TMEM69: variants seen among roughly 807,000 people sequenced by gnomAD.
TMEM69 encodes the protein transmembrane protein 69, also known as chromosome 1 open reading frame 154.
Under a neutral mutation model 15.8 loss-of-function variants are expected in TMEM69, and 17 were observed. The observed-to-expected ratio is 1.07, with a 90% confidence interval of 0.73 to 1.61. TMEM69 has a LOEUF of 1.61. Among genes scored for constraint, TMEM69 ranks in the 40% most tolerant of loss-of-function variants. TMEM69 has a pLI of 0.00. For missense variants in TMEM69, 230 were observed against 286.1 expected, an observed-to-expected ratio of 0.80 and a Z score of 1.41; for synonymous variants, 80 against 98.6, an observed-to-expected ratio of 0.81 and a Z score of 1.12.
chr1:45,689,872 G>T (rs1645332640), intron 1 of TMEM69, among the ~76,000 whole-genome samples: 1 of 151,968 alleles, frequency 6.6e-6, no homozygotes, highest in Admixed American at 6.5e-5. Flanking sequence ...GGCGTGGCCT[G>T]TAGTCCCAGC....
chr1:45,693,580 T>C lies in TMEM69; in HGVS notation c.419T>C (p.Leu140Ser). 6.2e-7 allele frequency: 1 copy of C among 1,614,228 alleles called. No homozygotes were observed. Among genetic ancestry groups the C allele is most frequent in the Non-Finnish European group, 8.5e-7 (1 of 1,180,034 alleles). Reference sequence around the variant, plus strand: ...TATGGAGCCAGTTTCCTATCTTTCTTGGGTGGGATCAGATGGGGTTTTGCT... The same window carrying C: ...TATGGAGCCAGTTTCCTATCTTTCTCGGGTGGGATCAGATGGGGTTTTGCT... ...MAYGASFLSF[L>S]GGIRWGFALP... Residue 140 changes from leucine to serine, a missense_variant, in exon 3 of 3, where the codon TTG (leucine) becomes TCG (serine). By Grantham distance (145) the Leu-to-Ser change is moderately radical (BLOSUM62 -2). Coordinates refer to ENST00000372025, the MANE Select transcript of TMEM69 (RefSeq NM_016486.4).
rs958188110 is a variant in TMEM69, at chr1:45,693,553, C to T, written c.392C>T (p.Ala131Val). 1 of 1,614,100 alleles carries T rather than the reference C, an allele frequency of 6.2e-7. No individual in the cohort carries two copies. Among genetic ancestry groups the T allele is most frequent in the African/African-American group, 1.3e-5 (1 of 74,936 alleles). ...YIPILAFTQM[A>V]YGASFLSFLG... ...CCCATATTAGCTTTTACTCAGATGG[C>T]TTATGGAGCCAGTTTCCTATCTTTC... Residue 131 changes from alanine (A) to valine (V), a missense_variant, in exon 3 of 3, where the codon GCT becomes GTT. Transcript: ENST00000372025.
chr1:45,691,500 GC>G (rs1407718759), intron 2 of TMEM69, among the ~76,000 whole-genome samples: 2 of 151,882 alleles, frequency 1.3e-5, no homozygotes, highest in African/African-American at 4.8e-5. Flanking sequence ...CTGAGATCAT[GC>G]CACTGCACTG....
chr1:45,693,107 T>G, intron 2 of TMEM69, 97 bp from the exon 3 acceptor site: 1 of 889,008 alleles, frequency 1.1e-6, no homozygotes, highest in East Asian at 2.6e-5. Flanking sequence ...TTTGCTCCTT[T>G]CAAACAATCC....
chr1:45,689,952 G>T (rs891737094), intron 1 of TMEM69, among the ~76,000 whole-genome samples: 2 of 152,020 alleles, frequency 1.3e-5, no homozygotes, highest in African/African-American at 4.8e-5. Context: ...CGGAGAGCAC[G>T]CCACTGCAGT....
rs1645343000 is a variant in TMEM69, at chr1:45,691,243, A to G, written c.42+133A>G. On this transcript the variant is annotated intron_variant, in intron 2 of 2. Transcript: ENST00000372025. ...GGAGGGAAGAGTTAAGTAAAATACAAGTAAGTAAAATGTTTATTATATCAG... is the reference window on the plus strand; with the variant it reads ...GGAGGGAAGAGTTAAGTAAAATACAGGTAAGTAAAATGTTTATTATATCAG... The G allele has an allele frequency of 7.6e-6, 6 of 790,598 alleles. No individual in the cohort carries two copies. The East Asian group carries it at 8.0e-5, about 11-fold the overall frequency. 49.0% of individuals were successfully genotyped at this position (790,598 alleles called of 1,614,324 possible).
At chr1:45,690,606 C>T (rs926042792) in intron 1 of TMEM69, among the ~76,000 whole-genome samples, 4 of 151,986 alleles carry the variant, frequency 2.6e-5, no homozygotes, top group African/African-American at 4.8e-5. Flanking sequence ...AAAAAGGAAA[C>T]AGAAGCTATG....
intron 2 of TMEM69, among the ~76,000 whole-genome samples, chr1:45,691,531 A>G (rs1420165865): frequency 3.3e-5 from 5 of 151,940 alleles, no homozygotes; most frequent in African/African-American, 9.7e-5. Context: ...TGACACAGCA[A>G]GACGATGTTT....
Position 45,693,215 on chromosome 1 carries a change from C to T in TMEM69, c.54C>T (p.Tyr18=). 6.2e-7 allele frequency: 1 copy of T among 1,606,774 alleles called. No homozygotes were observed. The highest frequency in any genetic ancestry group is 8.5e-7 in the Non-Finnish European group (1 of 1,176,162). The change falls in exon 3 of 3, where the codon TAC becomes TAT. Residue 18 remains tyrosine, a synonymous_variant. Coordinates refer to ENST00000372025, the MANE Select transcript of TMEM69 (RefSeq NM_016486.4). ...TATTTTCTTTGTAGATACTGAAGTACTCTTTCCCAGTGGGACTAAGAACCA... is the reference window on the plus strand; with the variant it reads ...TATTTTCTTTGTAGATACTGAAGTATTCTTTCCCAGTGGGACTAAGAACCA... ...FSQASSKILK[Y]SFPVGLRTSR...
rs575749137 is a variant in TMEM69 at position 45,694,047 on chromosome 1, C to T, written c.*142C>T. Reference sequence around the variant, plus strand: ...TGCCCGGCCGCTGTGCAACCTTCCACGTGTGAAGTGACAGCCTTGTGTGTG... The same window carrying T: ...TGCCCGGCCGCTGTGCAACCTTCCATGTGTGAAGTGACAGCCTTGTGTGTG... On this transcript the variant is annotated 3_prime_UTR_variant, in exon 3 of 3. Coordinates refer to ENST00000372025, the MANE Select transcript of TMEM69 (RefSeq NM_016486.4). 12 of 552,418 alleles carry T rather than the reference C, an allele frequency of 2.2e-5. 1 individual carries two copies. The highest frequency in any genetic ancestry group is 3.1e-5 in the Non-Finnish European group (10 of 320,090). 34.2% of individuals were successfully genotyped at this position (552,418 alleles called of 1,614,324 possible). A position where few individuals can be genotyped will look rare whatever the true frequency, so the allele number is the denominator to read the frequency against.
rs1233974820 is a variant in TMEM69 at position 45,689,242 on chromosome 1, G to GT, written c.-96+974dup. ...TTTTAAAATTAAGCAGCAACTGTAGGTTTTTTTAGACATCCCATTCTCTTG... is the reference window on the plus strand; with the variant it reads ...TTTTAAAATTAAGCAGCAACTGTAGGTTTTTTTTAGACATCCCATTCTCTTG... On this transcript the variant is annotated intron_variant, in intron 1 of 2. Coordinates refer to ENST00000372025, the MANE Select transcript of TMEM69 (RefSeq NM_016486.4). 2.6e-5 allele frequency among the ~76,000 whole-genome samples: 4 copies of GT among 152,090 alleles called. No homozygotes were observed. In the South Asian group the frequency reaches 8.3e-4, roughly 32 times the overall value.
In TMEM69 at chr1:45,688,248, AC is replaced by A. The variant is rs1357477373; in HGVS notation, c.-122del. The A allele has an allele frequency of 6.6e-6, 1 of 152,106 alleles. No individual in the cohort carries two copies. The highest frequency in any genetic ancestry group is 2.4e-5 in the African/African-American group (1 of 41,366). 9.4% of individuals were successfully genotyped at this position (152,106 alleles called of 1,614,324 possible). A position where few individuals can be genotyped will look rare whatever the true frequency, so the allele number is the denominator to read the frequency against. ...CGGTTGTTTTCCTTCTCTCCGTGCA[AC>A]GCTGGCAAGTCTCAAAGTCGCCACA... On this transcript the variant is annotated 5_prime_UTR_variant, in exon 1 of 3. Coordinates refer to ENST00000372025, the MANE Select transcript of TMEM69 (RefSeq NM_016486.4).
Position 45,693,217 on chromosome 1 carries a change from CTT to C in TMEM69, c.58_59del (p.Phe20ProfsTer52), listed in dbSNP as rs1557732154. ...TTTTCTTTGTAGATACTGAAGTACTCTTTCCCAGTGGGACTAAGAACCAGCAG... is the reference window on the plus strand; with the variant it reads ...TTTTCTTTGTAGATACTGAAGTACTCTCCCAGTGGGACTAAGAACCAGCAG... On this transcript the variant is annotated frameshift_variant, in exon 3 of 3. Coordinates refer to ENST00000372025, the MANE Select transcript of TMEM69 (RefSeq NM_016486.4). LOFTEE classifies it high-confidence loss of function. 1 of 1,607,012 alleles carries C rather than the reference CTT, an allele frequency of 6.2e-7. No individual in the cohort carries two copies.
intron 2 of TMEM69, among the ~76,000 whole-genome samples, chr1:45,692,458 C>G (rs892238131): frequency 6.6e-6 from 1 of 152,036 alleles, no homozygotes; most frequent in Non-Finnish European, 1.5e-5. Context: ...TTACTTTGCC[C>G]GTGTACAATG....
Position 45,693,835 on chromosome 1 carries a change from C to G in TMEM69, c.674C>G (p.Ser225Ter), listed in dbSNP as rs1645363176. 6.2e-7 allele frequency: 1 copy of G among 1,613,870 alleles called. No homozygotes were observed. The highest frequency in any genetic ancestry group is 8.5e-7 in the Non-Finnish European group (1 of 1,179,972). The change falls in exon 3 of 3, where the codon TCA becomes TGA. Residue 225 changes from serine (S) to a stop codon, truncating the protein, a stop_gained. Coordinates refer to ENST00000372025, the MANE Select transcript of TMEM69 (RefSeq NM_016486.4). LOFTEE classifies it high-confidence loss of function. ...GTAGTCACTTTATTGGCCACTTTTTCATTTATAATCACTTTAGTAGTTAAA... is the reference window on the plus strand; with the variant it reads ...GTAGTCACTTTATTGGCCACTTTTTGATTTATAATCACTTTAGTAGTTAAA... ...RIVVTLLATF[S>*]FIITLVVKSS...
Position 45,693,189 on chromosome 1 carries a change from C to G in TMEM69, c.43-15C>G. The G allele has an allele frequency of 6.5e-7, 1 of 1,541,720 alleles. No individual in the cohort carries two copies. Among genetic ancestry groups the G allele is most frequent in the Non-Finnish European group, 8.8e-7 (1 of 1,140,242 alleles). ...ATATTTTTAATTTTGTCTTTTGGTT[C>G]TATTTTCTTTGTAGATACTGAAGTA... On this transcript the variant is annotated splice_polypyrimidine_tract_variant and intron_variant, in intron 2 of 2. Transcript: ENST00000372025.
At position 45,693,950 on chromosome 1, in the gene TMEM69, C is replaced by T. The variant is rs1213652174; in HGVS notation, c.*45C>T. The T allele has an allele frequency of 7.6e-7, 1 of 1,321,106 alleles. No individual in the cohort carries two copies. The highest frequency in any genetic ancestry group is 1.0e-6 in the Non-Finnish European group (1 of 974,714). The allele number at this position is 1,321,106 out of a possible 1,614,324, so 81.8% of individuals were successfully genotyped here. On this transcript the variant is annotated 3_prime_UTR_variant, in exon 3 of 3. Coordinates refer to ENST00000372025, the MANE Select transcript of TMEM69 (RefSeq NM_016486.4). Reference sequence around the variant, plus strand: ...AGTGAGGAGCACCTCTGCCCAGCTGCTGCCCCGTCTGGGAAGTGAGGAGCG... The same window carrying T: ...AGTGAGGAGCACCTCTGCCCAGCTGTTGCCCCGTCTGGGAAGTGAGGAGCG...
At chr1:45,690,714 T>C (rs2148539617) in intron 1 of TMEM69, among the ~76,000 whole-genome samples, 1 of 152,180 alleles carries the variant, frequency 6.6e-6, no homozygotes, top group South Asian at 2.1e-4. Context: ...CTCAAGCAAT[T>C]TGCCCAGTGT....
Position 45,693,966 on chromosome 1 carries a change from G to A in TMEM69, c.*61G>A. ...GCCCAGCTGCTGCCCCGTCTGGGAAGTGAGGAGCGCCTCTGCCTGGCCGCC... is the reference window on the plus strand; with the variant it reads ...GCCCAGCTGCTGCCCCGTCTGGGAAATGAGGAGCGCCTCTGCCTGGCCGCC... On this transcript the variant is annotated 3_prime_UTR_variant, in exon 3 of 3. Transcript: ENST00000372025. The A allele has an allele frequency of 8.4e-7, 1 of 1,195,116 alleles. No individual in the cohort carries two copies. The highest frequency in any genetic ancestry group is 1.1e-6 in the Non-Finnish European group (1 of 869,688). The allele number at this position is 1,195,116 out of a possible 1,614,324, so 74.0% of individuals were successfully genotyped here. A position where few individuals can be genotyped will look rare whatever the true frequency, so the allele number is the denominator to read the frequency against.
Sources: allele counts gnomAD v4.1 joint callset (sites outside exome capture counted in the v4.1 genomes callset), GRCh38; gene constraint gnomAD v4.1.1; transcripts MANE v1.5; gene names NCBI Gene and HGNC (gene_info 2026-07-23, HGNC 2026-07-21).